The following GSG1L variants were observed in gnomAD, a reference collection of about 807,000 sequenced individuals.
GSG1L encodes GSG1 like, also known as germ cell-specific gene 1-like protein.
GSG1L carries 24 observed loss-of-function variants against 42.1 expected under a neutral mutation model. The observed-to-expected ratio is 0.57, with a 90% CI of 0.41 to 0.80. The LOEUF (loss-of-function observed/expected upper bound fraction) is 0.80. GSG1L is among the 30% of genes least tolerant of loss of function. The pLI, the probability that GSG1L is intolerant of heterozygous loss-of-function variation, is 0.00. For synonymous variants in GSG1L, 215 were observed against 203.5 expected (o/e 1.06, Z -0.48); for missense variants, 445 against 472.2 (o/e 0.94, Z 0.53).
At chr16:27,811,020 A>G (rs2083025176) in intron 5 of GSG1L, among the ~76,000 whole-genome samples, 1 of 151,530 alleles carries the variant, frequency 6.6e-6, no homozygotes. Context: ...CATCTTGGCT[A>G]TTTTCCTGAT....
intron 1 of GSG1L, among the ~76,000 whole-genome samples, chr16:28,045,569 G>C (rs988352003): frequency 3.3e-5 from 5 of 151,966 alleles, no homozygotes; most frequent in African/African-American, 9.7e-5. Context: ...CAGCTACTTG[G>C]GGGGCTGTGG....
intron 2 of GSG1L, among the ~76,000 whole-genome samples, chr16:27,928,522 C>G (rs11862907): frequency 0.08 from 3,471 of 43,442 alleles, 116 homozygotes; most frequent in African/African-American, 0.23. Flanking sequence ...GAAAAGAAAA[C>G]AAAACAAAAC....
chr16:27,942,655 CAA>C lies in GSG1L; in HGVS notation c.397+20499_397+20500del, dbSNP rs538699756. Among the ~76,000 whole-genome samples the C allele has an allele frequency of 1.4e-3, 207 of 152,206 alleles. 5 individuals are homozygous for C. The South Asian group carries it at 0.042, about 31-fold the overall frequency. Reference sequence around the variant, plus strand: ...GAGAAGTTCCAAATAGCCATAAACACAAAAAGATGTTCAACCTCATTAGTAAT... The same window carrying C: ...GAGAAGTTCCAAATAGCCATAAACACAAAGATGTTCAACCTCATTAGTAAT... On this transcript the variant is annotated intron_variant, in intron 2 of 6. Coordinates refer to ENST00000447459, the MANE Select transcript of GSG1L (RefSeq NM_001109763.2).
Position 27,982,328 on chromosome 16 carries a change from T to C in GSG1L, c.350-19125A>G, listed in dbSNP as rs115553493. ...CTGCAGTGAGCTATGATTGTGCCAT[T>C]GCACTCAGCCCAGCCAGGTACAATA... On this transcript the variant is annotated intron_variant, in intron 1 of 6. Coordinates refer to ENST00000447459, the MANE Select transcript of GSG1L (RefSeq NM_001109763.2). Among the ~76,000 whole-genome samples the C allele has an allele frequency of 5.3e-3, 800 of 152,320 alleles. 4 individuals carry two copies. The highest frequency in any genetic ancestry group is 0.018 in the African/African-American group (762 of 41,578).
intron 2 of GSG1L, among the ~76,000 whole-genome samples, chr16:27,949,226 A>G (rs2084924407): frequency 6.6e-6 from 1 of 152,098 alleles, no homozygotes; most frequent in Non-Finnish European, 1.5e-5. Flanking sequence ...TATCATCATT[A>G]TTATTATTAA....
At chr16:27,944,563 A>G (rs543308177) in intron 2 of GSG1L, among the ~76,000 whole-genome samples, 5 of 151,482 alleles carry the variant, frequency 3.3e-5, no homozygotes, top group Admixed American at 6.6e-5. Flanking sequence ...TGGAGGTTGC[A>G]GTGAGCCGAG....
chr16:27,948,589 G>T (rs1308162591), intron 2 of GSG1L, among the ~76,000 whole-genome samples: 1 of 146,654 alleles, frequency 6.8e-6, no homozygotes, highest in Non-Finnish European at 1.5e-5. Context: ...GGCCAGGCTG[G>T]TCTTGAACTT....
At chr16:27,910,586 A>G (rs2084376391) in intron 2 of GSG1L, among the ~76,000 whole-genome samples, 1 of 152,230 alleles carries the variant, frequency 6.6e-6, no homozygotes, top group African/African-American at 2.4e-5. Flanking sequence ...CATCAGTCTT[A>G]TTGCCATGGA....
rs1474128365 is a variant in GSG1L at position 27,888,450 on chromosome 16, TTCTTTCTTTCTTTCTC to T, written c.398-3828_398-3813del. ...TTTCTTTCTTTCTTTCTTTCTTTCT[TTCTTTCTTTCTTTCTC>T]TCTCTCTCTCTCTTTCCTTTCTTTC... On this transcript the variant is annotated intron_variant, in intron 2 of 6. Transcript: ENST00000447459. Among the ~76,000 whole-genome samples, 40 of 29,584 alleles carry T rather than the reference TTCTTTCTTTCTTTCTC, an allele frequency of 1.4e-3. 1 individual carries two copies. The highest frequency in any genetic ancestry group is 5.3e-3 in the South Asian group (3 of 568). 19.4% of individuals were successfully genotyped at this position (29,584 alleles called of 152,430 possible).
chr16:27,791,959 G>A (rs973306274), intron 6 of GSG1L, among the ~76,000 whole-genome samples: 3 of 151,642 alleles, frequency 2.0e-5, no homozygotes, highest in Non-Finnish European at 4.4e-5. Flanking sequence ...TGACAGCCAC[G>A]ACAGCACCCC....
intron 2 of GSG1L, among the ~76,000 whole-genome samples, chr16:27,961,262 C>G (rs375375737): frequency 6.6e-6 from 1 of 152,240 alleles, no homozygotes; most frequent in Non-Finnish European, 1.5e-5. Flanking sequence ...GCACACTCAC[C>G]CTTACCCGGG....
chr16:28,012,225 C>T (rs1325089043), intron 1 of GSG1L, among the ~76,000 whole-genome samples: 3 of 152,116 alleles, frequency 2.0e-5, no homozygotes, highest in African/African-American at 7.2e-5. Context: ...GAGTCAGTCA[C>T]GCCCCCCTCT....
chr16:27,850,769 C>T (rs2083502841), intron 3 of GSG1L: 2 of 334,606 alleles, frequency 6.0e-6, no homozygotes, highest in African/African-American at 2.2e-5. Flanking sequence ...AAAATATATA[C>T]ATGTAATACA....
chr16:27,932,570 C>T (rs180741407), intron 2 of GSG1L, among the ~76,000 whole-genome samples: 1 of 152,256 alleles, frequency 6.6e-6, no homozygotes, highest in East Asian at 1.9e-4. Flanking sequence ...CATGACAGCA[C>T]CAAGTGGGGA....
rs1567485091 is a variant in GSG1L, at chr16:27,849,207, A to ACCCCCC, written c.551-4147_551-4146insGGGGGG. ...AGTGAGCCTCTATCCCAAAAAGAAAAAAAAAAAAAAAAAAAAGAGAAAAGA... is the reference window on the plus strand; with the variant it reads ...AGTGAGCCTCTATCCCAAAAAGAAAACCCCCCAAAAAAAAAAAAAAAAGAGAAAAGA... On this transcript the variant is annotated intron_variant, in intron 3 of 6. Transcript: ENST00000447459. Among the ~76,000 whole-genome samples, 184 of 145,560 alleles carry ACCCCCC rather than the reference A, an allele frequency of 1.3e-3. 3 individuals are homozygous for ACCCCCC. Among genetic ancestry groups the ACCCCCC allele is most frequent in the African/African-American group, 4.4e-3 (170 of 38,940 alleles).
chr16:27,835,174 A>T (rs1424716642), intron 4 of GSG1L, among the ~76,000 whole-genome samples: 1 of 151,958 alleles, frequency 6.6e-6, no homozygotes, highest in East Asian at 1.9e-4. Flanking sequence ...TCCTTTACAG[A>T]TTTTCAGCTC....
intron 5 of GSG1L, among the ~76,000 whole-genome samples, chr16:27,813,039 C>A (rs1200087654): frequency 6.6e-6 from 1 of 152,182 alleles, no homozygotes. Context: ...CTTGGCCTCC[C>A]AAAGTGCTGG....
chr16:27,854,198 G>T (rs1299526567), intron 3 of GSG1L, among the ~76,000 whole-genome samples: 1 of 149,936 alleles, frequency 6.7e-6, no homozygotes, highest in Non-Finnish European at 1.5e-5. Flanking sequence ...AGGAGGGGAA[G>T]GGGAGAGGAA....
intron 1 of GSG1L, among the ~76,000 whole-genome samples, chr16:28,028,630 T>C (rs1314340786): frequency 2.6e-5 from 4 of 152,130 alleles, no homozygotes; most frequent in Non-Finnish European, 4.4e-5. Context: ...ATTCCTTATT[T>C]AATGTTCCTC....
Sources: allele counts gnomAD v4.1 joint callset (sites outside exome capture counted in the v4.1 genomes callset), GRCh38; gene constraint gnomAD v4.1.1; transcripts MANE v1.5; gene names NCBI Gene and HGNC (gene_info 2026-07-23, HGNC 2026-07-21).